The following PLEKHS1 variants were observed in gnomAD, a reference collection of about 807,000 sequenced individuals.
The protein encoded by PLEKHS1 is pleckstrin homology domain containing S1.
A neutral mutation model predicts 51.0 loss-of-function variants in PLEKHS1; 55 were observed. That is an observed-to-expected ratio of 1.08 (90% CI 0.87 to 1.35). The LOEUF (loss-of-function observed/expected upper bound fraction) is 1.35. PLEKHS1 is among the 40% of genes most tolerant of loss of function. The pLI is 0.00. For missense variants in PLEKHS1, 398 were observed against 423.0 expected (o/e 0.94, Z 0.52); for synonymous variants, 153 against 144.8 (o/e 1.06, Z -0.41).
chr10:113,766,654 G>T lies in PLEKHS1; in HGVS notation c.160G>T (p.Glu54Ter). The change falls in exon 4 of 12, where the codon GAA (glutamate) becomes TAA (stop). Residue 54 changes from glutamate to a stop codon, truncating the protein, a stop_gained. Transcript: ENST00000361048. LOFTEE classifies it high-confidence loss of function. ...GTTTTTCATCCTGTCAAAGGCTGGG[G>T]AAAAGAGCTTTAGTCTTTCCTATTA... 6.2e-7 allele frequency: 1 copy of T among 1,613,116 alleles called. No homozygotes were observed. Among genetic ancestry groups the T allele is most frequent in the South Asian group, 1.1e-5 (1 of 90,696 alleles).
chr10:113,775,177 T>A, intron 10 of PLEKHS1, 142 bp downstream of exon 10: 2 of 730,744 alleles, frequency 2.7e-6, no homozygotes, highest in Non-Finnish European at 4.4e-6. Context: ...ATCTTCTCCC[T>A]GTCATTGATG....
chr10:113,775,115 T>A, intron 10 of PLEKHS1, 80 bp downstream of exon 10: 1 of 1,273,836 alleles, frequency 7.9e-7, no homozygotes, highest in Non-Finnish European at 1.1e-6. Flanking sequence ...AACTTAGAAT[T>A]TAAATTTTAA....
intron 1 of PLEKHS1, 106 bp from the exon 2 acceptor site, chr10:113,755,153 G>A (rs933659799): frequency 2.4e-6 from 3 of 1,273,964 alleles, no homozygotes; most frequent in African/African-American, 3.1e-5. Context: ...ACCCATCTCA[G>A]CAACATTCGT....
chr10:113,773,363 T>C (rs1407592826), intron 8 of PLEKHS1, among the ~76,000 whole-genome samples: 1 of 152,092 alleles, frequency 6.6e-6, no homozygotes, highest in African/African-American at 2.4e-5. Flanking sequence ...AGGCCTGGCC[T>C]TTGCTAGGTA....
At chr10:113,760,454 G>C (rs59263750) in intron 2 of PLEKHS1, among the ~76,000 whole-genome samples, 28,012 of 151,852 alleles carry the variant, frequency 0.18, 2,708 homozygotes, top group East Asian at 0.29. Context: ...ATGAGTTCCA[G>C]ACCAACCTGG....
intron 11 of PLEKHS1, among the ~76,000 whole-genome samples, chr10:113,780,324 G>A (rs561683727): frequency 6.6e-6 from 1 of 152,192 alleles, no homozygotes; most frequent in East Asian, 1.9e-4. Flanking sequence ...TTTAATTCTT[G>A]GTGCAATTGG....
chr10:113,783,298 G>A (rs2134604378), downstream of PLEKHS1: 1 of 152,012 alleles, frequency 6.6e-6, no homozygotes, highest in Middle Eastern at 3.4e-3. Flanking sequence ...GAACACTGTA[G>A]ATATTAAAAT....
chr10:113,762,214 A>G (rs1252011227), intron 2 of PLEKHS1, among the ~76,000 whole-genome samples: 2 of 151,902 alleles, frequency 1.3e-5, no homozygotes, highest in Admixed American at 6.5e-5. Context: ...TTTCTGGTCT[A>G]TCTGCCTAGG....
intron 8 of PLEKHS1, among the ~76,000 whole-genome samples, chr10:113,773,888 A>G (rs755100934): frequency 6.6e-6 from 1 of 152,240 alleles, no homozygotes; most frequent in Non-Finnish European, 1.5e-5. Flanking sequence ...GCCAAGTGCC[A>G]TGATTCTATA....
chr10:113,761,828 T>C (rs1303390178), intron 2 of PLEKHS1, among the ~76,000 whole-genome samples: 4 of 152,098 alleles, frequency 2.6e-5, no homozygotes, highest in African/African-American at 9.7e-5. Flanking sequence ...AGAAGAGTAA[T>C]GCTAGCCTCA....
exon 10 of PLEKHS1, chr10:113,774,848 G>C: frequency 6.2e-7 from 1 of 1,614,022 alleles, no homozygotes; most frequent in Non-Finnish European, 8.5e-7. Context: ...GACATCCCAT[G>C]AGTCTGTGGA....
chr10:113,766,659 G>A (rs761886088), exon 4 of PLEKHS1: 16 of 1,613,118 alleles, frequency 9.9e-6, no homozygotes, highest in Non-Finnish European at 1.3e-5. Context: ...CTGGGGAAAA[G>A]AGCTTTAGTC....
chr10:113,767,253 A>G (rs2134521834), intron 4 of PLEKHS1, 92 bp from the exon 5 acceptor site: 1 of 986,076 alleles, frequency 1.0e-6, no homozygotes, highest in Non-Finnish European at 1.4e-6. Context: ...CAGCACATCT[A>G]AAGTTTTATT....
At chr10:113,754,254 TC>T (rs1853993362) in intron 1 of PLEKHS1, among the ~76,000 whole-genome samples, 2 of 152,302 alleles carry the variant, frequency 1.3e-5, no homozygotes, top group Middle Eastern at 3.4e-3. Context: ...CTCTGCTTCC[TC>T]CCCCATCTTA....
intron 1 of PLEKHS1, among the ~76,000 whole-genome samples, chr10:113,754,409 C>G (rs978581906): frequency 6.6e-6 from 1 of 152,192 alleles, no homozygotes; most frequent in Non-Finnish European, 1.5e-5. Context: ...AGTCCCTTCT[C>G]TCCATCCTAT....
At chr10:113,780,940 T>C in exon 12 of PLEKHS1, 1 of 688,996 alleles carries the variant, frequency 1.5e-6, no homozygotes, top group Non-Finnish European at 2.4e-6. Context: ...CTGGTTATTG[T>C]ATCAGAGATG....
Position 113,755,772 on chromosome 10 carries a change from G to T in PLEKHS1, c.28+467G>T, listed in dbSNP as rs560692921. ...GATTCTTGGTTTGGAGAATGTAGCAGGAACTGTTGGATTCAATTAATTATT... is the reference window on the plus strand; with the variant it reads ...GATTCTTGGTTTGGAGAATGTAGCATGAACTGTTGGATTCAATTAATTATT... On this transcript the variant is annotated intron_variant, in intron 2 of 11. Coordinates refer to ENST00000361048, the Ensembl canonical transcript of PLEKHS1. Among the ~76,000 whole-genome samples, 8 of 152,294 alleles carry T rather than the reference G, an allele frequency of 5.3e-5. No individual in the cohort carries two copies. In the South Asian group the frequency reaches 1.7e-3, roughly 32 times the overall value.
rs1844163752 is a variant in PLEKHS1, at chr10:113,766,414, AACAATTT to A, written c.36_42del (p.Gln12HisfsTer26). 1 of 1,558,792 alleles carries A rather than the reference AACAATTT, an allele frequency of 6.4e-7. No individual in the cohort carries two copies. Among genetic ancestry groups the A allele is most frequent in the Non-Finnish European group, 8.8e-7 (1 of 1,137,906 alleles). On this transcript the variant is annotated frameshift_variant, in exon 3 of 12. Transcript: ENST00000361048. LOFTEE classifies it high-confidence loss of function. ...GAGTTCTGTTCACTTTTATTAGGCA[AACAATTT>A]ACATTTTCTTATGAAAATGAAGTCT...
At chr10:113,758,789 T>C (rs1199737933) in intron 2 of PLEKHS1, among the ~76,000 whole-genome samples, 1 of 152,120 alleles carries the variant, frequency 6.6e-6, no homozygotes, top group Non-Finnish European at 1.5e-5. Context: ...ATTTTTGAAG[T>C]TCACCATCTT....
Sources: gnomAD v4.1 joint callset for allele counts (sites outside exome capture counted in the v4.1 genomes callset) on GRCh38, gnomAD v4.1.1 for gene constraint, MANE v1.5 for transcripts, NCBI Gene and HGNC (gene_info 2026-07-23, HGNC 2026-07-21) for gene names.